The following NEK10 variants were observed in gnomAD, a reference collection of about 807,000 sequenced individuals.
NEK10 encodes the protein serine/threonine-protein kinase Nek10.
A neutral mutation model predicts 159.8 loss-of-function variants in NEK10; 122 were observed. That is an observed-to-expected ratio of 0.76 (90% CI 0.66 to 0.89). The LOEUF (loss-of-function observed/expected upper bound fraction) is 0.89. NEK10 is among the 40% of genes least tolerant of loss of function. NEK10 has a pLI of 0.00. For missense variants in NEK10, 1,342 were observed against 1,323.1 expected, an observed-to-expected ratio of 1.01 and a Z score of -0.22; for synonymous variants, 466 against 457.1, an observed-to-expected ratio of 1.02 and a Z score of -0.25.
chr3:27,345,068 C>T (rs1028924019), intron 4 of NEK10, among the ~76,000 whole-genome samples: 14 of 152,162 alleles, frequency 9.2e-5, no homozygotes, highest in Non-Finnish European at 1.9e-4. Context: ...GGTCACATTG[C>T]TACCAAATAC....
At chr3:27,321,957 A>C (rs910230679) in intron 6 of NEK10, among the ~76,000 whole-genome samples, 1 of 152,236 alleles carries the variant, frequency 6.6e-6, no homozygotes, top group Non-Finnish European at 1.5e-5. Context: ...ACTTAATCCC[A>C]TAAGTAATAC....
At chr3:27,134,712 A>G (rs1283990344) in intron 31 of NEK10, among the ~76,000 whole-genome samples, 2 of 152,186 alleles carry the variant, frequency 1.3e-5, no homozygotes, top group African/African-American at 4.8e-5. Context: ...TATATTAGAA[A>G]GCTATTGATC....
intron 12 of NEK10, among the ~76,000 whole-genome samples, chr3:27,303,638 C>T (rs1273264639): frequency 6.6e-6 from 1 of 152,106 alleles, no homozygotes; most frequent in African/African-American, 2.4e-5. Flanking sequence ...ATAAATTTTT[C>T]CTTTGTTTAG....
chr3:27,214,937 T>G, intron 23 of NEK10: 1 of 946,564 alleles, frequency 1.1e-6, no homozygotes, highest in Non-Finnish European at 1.7e-6. Context: ...GAGAAGACAA[T>G]TCCTAATCCA....
chr3:27,364,122 G>A (rs900519538), intron 1 of NEK10, among the ~76,000 whole-genome samples: 11 of 151,724 alleles, frequency 7.3e-5, no homozygotes, highest in Admixed American at 4.6e-4. Flanking sequence ...GTCTCACTAT[G>A]TCGCCCAGGC....
At chr3:27,311,823 A>T (rs1174176029) in intron 8 of NEK10, 1 of 394,740 alleles carries the variant, frequency 2.5e-6, no homozygotes, top group Non-Finnish European at 4.6e-6. Context: ...CAGAAATAAA[A>T]AGACGCAAAA....
Position 27,348,593 on chromosome 3 carries a change from C to A in NEK10, c.133-2377G>T, listed in dbSNP as rs147166410. Among the ~76,000 whole-genome samples the A allele has an allele frequency of 4.4e-4, 67 of 152,280 alleles. 1 individual carries two copies. The East Asian group carries it at 0.011, about 26-fold the overall frequency. On this transcript the variant is annotated intron_variant, in intron 3 of 35. Coordinates refer to ENST00000691995, the MANE Select transcript of NEK10 (RefSeq NM_001394966.1). Reference sequence around the variant, plus strand: ...TGATCTCTCCACACCTGGGCATCTGCAGCCTGTTACTCCTGATCTTGGGTC... The same window carrying A: ...TGATCTCTCCACACCTGGGCATCTGAAGCCTGTTACTCCTGATCTTGGGTC...
At chr3:27,169,239 AAGTC>A (rs1222447492) in intron 29 of NEK10, among the ~76,000 whole-genome samples, 1 of 152,236 alleles carries the variant, frequency 6.6e-6, no homozygotes, top group Non-Finnish European at 1.5e-5. Context: ...TAGCAATAGA[AAGTC>A]AGTAAGTGAG....
intron 30 of NEK10, among the ~76,000 whole-genome samples, chr3:27,157,170 G>T (rs954617027): frequency 6.6e-6 from 1 of 151,270 alleles, no homozygotes; most frequent in African/African-American, 2.4e-5. Context: ...TGGACTTTGG[G>T]GACTTGGGGG....
intron 32 of NEK10, among the ~76,000 whole-genome samples, chr3:27,126,818 G>A (rs1481873148): frequency 2.0e-5 from 3 of 151,556 alleles, no homozygotes; most frequent in Admixed American, 6.6e-5. Flanking sequence ...AGCCCCTATT[G>A]TGTCTTAGTG....
At chr3:27,360,231 A>T (rs1287908962) in intron 1 of NEK10, among the ~76,000 whole-genome samples, 5 of 152,212 alleles carry the variant, frequency 3.3e-5, no homozygotes, top group African/African-American at 9.6e-5. Flanking sequence ...AACCTCAGAG[A>T]ACATGCAGTA....
intron 24 of NEK10, 88 bp from the exon 25 acceptor site, chr3:27,201,668 C>T: frequency 2.2e-6 from 2 of 890,350 alleles, no homozygotes; most frequent in South Asian, 1.7e-5. Context: ...CTGAGAGTTA[C>T]TAATTAAGCA....
At chr3:27,183,767 G>A (rs1179265288) in intron 26 of NEK10, among the ~76,000 whole-genome samples, 2 of 151,974 alleles carry the variant, frequency 1.3e-5, no homozygotes, top group Non-Finnish European at 2.9e-5. Flanking sequence ...AATCACAGGC[G>A]AAAGATTTGA....
chr3:27,136,146 T>C (rs1943181712), intron 31 of NEK10, among the ~76,000 whole-genome samples: 1 of 134,562 alleles, frequency 7.4e-6, no homozygotes, highest in African/African-American at 2.8e-5. Context: ...AGAGTCTTGC[T>C]CTGTCACCCA....
intron 22 of NEK10, among the ~76,000 whole-genome samples, chr3:27,280,629 G>T (rs538017132): frequency 6.6e-6 from 1 of 152,040 alleles, no homozygotes; most frequent in African/African-American, 2.4e-5. Flanking sequence ...AAAAAACAAA[G>T]TTTAGATACT....
chr3:27,256,100 T>C (rs1380567218), intron 23 of NEK10, among the ~76,000 whole-genome samples, 196 bp downstream of exon 23: 1 of 152,166 alleles, frequency 6.6e-6, no homozygotes, highest in African/African-American at 2.4e-5. Context: ...AGAAGAAAGA[T>C]TATTTTTGTG....
chr3:27,350,835 C>T (rs13087873), intron 3 of NEK10, among the ~76,000 whole-genome samples: 23,963 of 152,092 alleles, frequency 0.16, 2,078 homozygotes, highest in Non-Finnish European at 0.2. Flanking sequence ...GCCAGAAAAA[C>T]TATATTGGTT....
At chr3:27,318,767 G>T (rs1467012750) in intron 6 of NEK10, among the ~76,000 whole-genome samples, 3 of 152,152 alleles carry the variant, frequency 2.0e-5, no homozygotes, top group Non-Finnish European at 2.9e-5. Context: ...TTATGCTACT[G>T]TGTCATCAAG....
chr3:27,198,748 T>C (rs1417583527), intron 25 of NEK10, among the ~76,000 whole-genome samples: 2 of 151,884 alleles, frequency 1.3e-5, no homozygotes, highest in Non-Finnish European at 2.9e-5. Context: ...CAGGCAAAGA[T>C]TTCATGACAA....
Sources: gnomAD v4.1 joint callset for allele counts (sites outside exome capture counted in the v4.1 genomes callset) on GRCh38, gnomAD v4.1.1 for gene constraint, MANE v1.5 for transcripts, NCBI Gene and HGNC (gene_info 2026-07-23, HGNC 2026-07-21) for gene names.